Variants in TECPR2 observed in about 807,000 individuals in gnomAD.
The protein encoded by TECPR2 is tectonin beta-propeller repeat containing 2, also known as tectonin beta-propeller repeat-containing protein 2.
TECPR2 carries 65 observed loss-of-function variants against 138.1 expected under a neutral mutation model. That is an observed-to-expected ratio of 0.47 (90% CI 0.39 to 0.58). The LOEUF (loss-of-function observed/expected upper bound fraction) is 0.58. TECPR2 is among the 20% of genes least tolerant of loss of function. TECPR2 has a pLI of 0.00. For synonymous variants in TECPR2, 746 were observed against 749.8 expected (o/e 0.99, Z 0.08); for missense variants, 1,553 against 1,824.5 (o/e 0.85, Z 2.71).
intron 2 of TECPR2, among the ~76,000 whole-genome samples, chr14:102,393,548 C>T (rs1460358968): frequency 2.0e-5 from 3 of 152,062 alleles, no homozygotes; most frequent in Non-Finnish European, 4.4e-5. Flanking sequence ...GCCCCCTCTA[C>T]ATGATCATTT....
At chr14:102,438,230 C>CGCTCCCTGCTCCCGCTCGCCGCTCCT (rs1889731535) in intron 10 of TECPR2, 25 bp downstream of exon 10, 1 of 1,584,180 alleles carries the variant, frequency 6.3e-7, no homozygotes, top group Non-Finnish European at 8.5e-7. Flanking sequence ...TCCCTGCTCC[C>CGCTCCCTGCTCCCGCTCGCCGCTCCT]GCTCCCTGCT....
intron 10 of TECPR2, among the ~76,000 whole-genome samples, chr14:102,439,717 C>T (rs573143128): frequency 7.5e-4 from 114 of 152,356 alleles, no homozygotes; most frequent in Non-Finnish European, 6.8e-4. Context: ...GCAGCAGAGC[C>T]CTTGTGCCGG....
At chr14:102,436,775 G>T (rs1055921630) in intron 9 of TECPR2, among the ~76,000 whole-genome samples, 3 of 152,200 alleles carry the variant, frequency 2.0e-5, no homozygotes, top group Non-Finnish European at 4.4e-5. Context: ...GAGTCTTGAG[G>T]GGGAGCCAGG....
intron 12 of TECPR2, among the ~76,000 whole-genome samples, chr14:102,444,956 A>C (rs999513570): frequency 2.6e-5 from 4 of 152,194 alleles, no homozygotes; most frequent in Non-Finnish European, 2.9e-5. Flanking sequence ...AAAAACAGAC[A>C]GACAAAAAAA....
rs200175137 is a variant in TECPR2, at chr14:102,449,679, G to A, written c.3126G>A (p.Thr1042=). ...TTGACCAGTGCAGCTTATTTCAGAC[G>A]ATAATCCATGCCACTCACTCGGTGG... ...VVFDQCSLFQ[T]IIHATHSVAT... is the part of the protein sequence containing the mutation. Residue 1042 remains threonine (T), a synonymous_variant, in exon 14 of 20, where the codon ACG becomes ACA. Coordinates refer to ENST00000359520, the MANE Select transcript of TECPR2 (RefSeq NM_014844.5). The A allele has an allele frequency of 9.3e-6, 15 of 1,614,028 alleles. No homozygotes were observed. The highest frequency in any genetic ancestry group is 6.7e-5 in the East Asian group (3 of 44,890).
At chr14:102,427,834 G>A (rs541171207) in intron 6 of TECPR2, among the ~76,000 whole-genome samples, 34 of 152,322 alleles carry the variant, frequency 2.2e-4, no homozygotes, top group South Asian at 1.7e-3. Context: ...GGGCAAGCTT[G>A]TCAGAGGCTG....
chr14:102,437,820 GACA>G (rs1383652696), intron 9 of TECPR2, among the ~76,000 whole-genome samples, 199 bp from the exon 10 acceptor site: 5 of 152,198 alleles, frequency 3.3e-5, no homozygotes, highest in Non-Finnish European at 5.9e-5. Flanking sequence ...TTTGTAGGGA[GACA>G]GCAGCACGCG....
chr14:102,456,456 G>GT (rs1376649320), intron 16 of TECPR2, among the ~76,000 whole-genome samples: 1 of 152,068 alleles, frequency 6.6e-6, no homozygotes, highest in African/African-American at 2.4e-5. Flanking sequence ...GGCAAGGGAG[G>GT]TGAACAGGCA....
At position 102,496,999 on chromosome 14, in the gene TECPR2, C is replaced by A. The variant is rs758917510; in HGVS notation, c.3810C>A (p.Val1270=). 1 of 1,613,862 alleles carries A rather than the reference C, an allele frequency of 6.2e-7. No individual in the cohort carries two copies. Among genetic ancestry groups the A allele is most frequent in the Non-Finnish European group, 8.5e-7 (1 of 1,179,974 alleles). Residue 1270 remains valine (V), a synonymous_variant, in exon 18 of 20, where the codon GTC becomes GTA. Transcript: ENST00000359520. The part of the protein sequence containing the change: ...PPVQPAGVSL[V]SVHSSPNDQM... ...TCCAGCCCGCCGGGGTCAGCTTGGT[C>A]AGCGTCCATTCCAGCCCCAACGACC...
At chr14:102,363,945 C>T (rs1887270406) in intron 1 of TECPR2, among the ~76,000 whole-genome samples, 1 of 152,260 alleles carries the variant, frequency 6.6e-6, no homozygotes. Context: ...TCTGACTTCT[C>T]ATGACTTTAG....
intron 18 of TECPR2, 172 bp from the exon 19 acceptor site, chr14:102,497,398 T>TTTCG (rs1891313165): frequency 9.4e-7 from 1 of 1,061,860 alleles, no homozygotes; most frequent in Admixed American, 3.3e-5. Flanking sequence ...TTGCTGGCCC[T>TTTCG]GCCAACTGGT....
At chr14:102,447,678 G>A (rs1369081246) in intron 13 of TECPR2, among the ~76,000 whole-genome samples, 3 of 152,160 alleles carry the variant, frequency 2.0e-5, no homozygotes, top group Admixed American at 1.3e-4. Context: ...GGGACTACAG[G>A]CACGCACCAC....
intron 2 of TECPR2, among the ~76,000 whole-genome samples, chr14:102,382,468 T>C (rs1238865540): frequency 6.6e-6 from 1 of 152,318 alleles, no homozygotes; most frequent in South Asian, 2.1e-4. Context: ...TGCAATTACA[T>C]GTGGAGACTT....
chr14:102,480,400 G>A (rs772719418), intron 17 of TECPR2, among the ~76,000 whole-genome samples: 1 of 151,750 alleles, frequency 6.6e-6, no homozygotes, highest in Non-Finnish European at 1.5e-5. Flanking sequence ...AATGTTTTGT[G>A]TTTTTAGTAG....
At chr14:102,404,241 T>C (rs1291443145) in intron 2 of TECPR2, among the ~76,000 whole-genome samples, 1 of 152,046 alleles carries the variant, frequency 6.6e-6, no homozygotes, top group East Asian at 1.9e-4. Flanking sequence ...CCACCCAAAG[T>C]AATTTATAAG....
In TECPR2 at chr14:102,389,169, T is replaced by C. The variant is rs189666614; in HGVS notation, c.219+12229T>C. On this transcript the variant is annotated intron_variant, in intron 2 of 19. Transcript: ENST00000359520. The stretch of plus-strand genomic sequence containing the variant: ...TAAATAAATAAATAAATAATAAAAA[T>C]ACAAAAATTAGCCAGGTGTGGTGGC... 3.4e-4 allele frequency among the ~76,000 whole-genome samples: 48 copies of C among 140,440 alleles called. No individual in the cohort carries two copies. In the East Asian group the frequency reaches 9.9e-3, roughly 29 times the overall value. 92.1% of individuals were successfully genotyped at this position (140,440 alleles called of 152,430 possible).
intron 1 of TECPR2, among the ~76,000 whole-genome samples, chr14:102,376,097 G>A (rs894385378): frequency 6.6e-6 from 1 of 152,148 alleles, no homozygotes; most frequent in Non-Finnish European, 1.5e-5. Context: ...ACCAGGCCAG[G>A]GCACCTGTTC....
intron 1 of TECPR2, among the ~76,000 whole-genome samples, chr14:102,371,226 G>A (rs1360590257): frequency 6.6e-6 from 1 of 152,200 alleles, no homozygotes. Flanking sequence ...TGGGTGAGGT[G>A]GAACATGGAG....
At chr14:102,469,607 A>G (rs1890618013) in intron 17 of TECPR2, among the ~76,000 whole-genome samples, 1 of 152,140 alleles carries the variant, frequency 6.6e-6, no homozygotes, top group Non-Finnish European at 1.5e-5. Context: ...TAAAATGTTG[A>G]GTAGAAGTGG....
Sources: gnomAD v4.1 joint callset for allele counts (sites outside exome capture counted in the v4.1 genomes callset) on GRCh38, gnomAD v4.1.1 for gene constraint, MANE v1.5 for transcripts, NCBI Gene and HGNC (gene_info 2026-07-23, HGNC 2026-07-21) for gene names.